The following SUN5 variants were observed in gnomAD, a reference collection of about 807,000 sequenced individuals.
The protein encoded by SUN5 is Sad1 and UNC84 domain containing 5, also known as SUN domain-containing protein 5.
Under a neutral mutation model 53.7 loss-of-function variants are expected in SUN5, and 44 were observed. The ratio of observed to expected loss-of-function variants is 0.82; its 90% CI spans 0.64 to 1.05. SUN5 has a LOEUF of 1.05. Among genes scored for constraint, SUN5 ranks in the 50% least tolerant of loss-of-function variants. SUN5 has a pLI of 0.00. For synonymous variants in SUN5, 166 were observed against 179.8 expected (o/e 0.92, Z 0.62); for missense variants, 433 against 483.8 (o/e 0.90, Z 0.98).
rs1568970852 is a variant in SUN5 at position 33,001,534 on chromosome 20, C to CTTTCTTTCTT, written c.212-266_212-257dup. On this transcript the variant is annotated intron_variant, in intron 3 of 12. Coordinates refer to ENST00000356173, the MANE Select transcript of SUN5 (RefSeq NM_080675.4). Reference sequence around the variant, plus strand: ...TTCTTTCTTTCTTCTTTCTTTCTTTCTTTCTTTCTTTCTTTCTTTCTTTCT... The same window carrying CTTTCTTTCTT: ...TTCTTTCTTTCTTCTTTCTTTCTTTCTTTCTTTCTTTTTCTTTCTTTCTTTCTTTCTTTCT... Among the ~76,000 whole-genome samples, 6 of 134,254 alleles carry CTTTCTTTCTT rather than the reference C, an allele frequency of 4.5e-5. No individual in the cohort carries two copies. In the South Asian group the frequency reaches 1.1e-3, roughly 25 times the overall value. 88.1% of individuals were successfully genotyped at this position (134,254 alleles called of 152,430 possible).
chr20:32,985,399 T>C (rs897761667), intron 11 of SUN5, among the ~76,000 whole-genome samples: 1 of 152,150 alleles, frequency 6.6e-6, no homozygotes. Flanking sequence ...CATTGACTTG[T>C]AGGATTAGGG....
At position 32,985,210 on chromosome 20, in the gene SUN5, G is replaced by A. The variant is rs766039488; in HGVS notation, c.898-25C>T. ...CCTGTGGAACCAGAACCAAGGTGAA[G>A]GCGTCAGATACAAGCAGGGCCCTCA... On this transcript the variant is annotated intron_variant, in intron 11 of 12. Coordinates refer to ENST00000356173, the MANE Select transcript of SUN5 (RefSeq NM_080675.4). 16 of 1,611,042 alleles carry A rather than the reference G, an allele frequency of 9.9e-6. No individual in the cohort carries two copies. In the South Asian group the frequency reaches 1.8e-4, roughly 18 times the overall value.
intron 9 of SUN5, among the ~76,000 whole-genome samples, chr20:32,988,114 C>T (rs374529622): frequency 1.3e-4 from 20 of 152,262 alleles, no homozygotes; most frequent in African/African-American, 4.3e-4. Context: ...ACGGCCCCCA[C>T]GTCATAGGGC....
At chr20:32,996,299 T>A in intron 7 of SUN5, 25 bp downstream of exon 7, 1 of 1,611,830 alleles carries the variant, frequency 6.2e-7, no homozygotes, top group Non-Finnish European at 8.5e-7. Context: ...GGTAATAATA[T>A]GGTTACCCAG....
chr20:32,989,404 G>T (rs911575599), intron 9 of SUN5, among the ~76,000 whole-genome samples: 1 of 151,304 alleles, frequency 6.6e-6, no homozygotes, highest in African/African-American at 2.4e-5. Flanking sequence ...GTGGATTCCC[G>T]TGTTCCCTCC....
chr20:32,994,508 A>C (rs1989789292), intron 8 of SUN5, among the ~76,000 whole-genome samples: 1 of 152,210 alleles, frequency 6.6e-6, no homozygotes, highest in Non-Finnish European at 1.5e-5. Context: ...GAAAAGATGG[A>C]CAACATAGGT....
chr20:32,986,960 C>T (rs911013999), intron 10 of SUN5, among the ~76,000 whole-genome samples: 1 of 152,218 alleles, frequency 6.6e-6, no homozygotes, highest in Non-Finnish European at 1.5e-5. Flanking sequence ...AAGGCCAATG[C>T]CCCAGCTTGA....
At chr20:33,001,507 TTTTCTTTCTTTCTTC>T (rs765912787) in intron 3 of SUN5, among the ~76,000 whole-genome samples, 45 of 27,074 alleles carry the variant, frequency 1.7e-3, no homozygotes, top group Admixed American at 2.3e-3. Context: ...TTAACAGACA[TTTTCTTTCTTTCTTC>T]TTTCTTTCTT....
At chr20:33,001,172 C>A in intron 4 of SUN5, 40 bp downstream of exon 4, 1 of 1,553,584 alleles carries the variant, frequency 6.4e-7, no homozygotes, top group Non-Finnish European at 8.7e-7. Context: ...GCTGCCATTT[C>A]CCACTCCCCA....
At chr20:32,997,550 G>T in intron 6 of SUN5, 88 bp downstream of exon 6, 8 of 1,472,102 alleles carry the variant, frequency 5.4e-6, no homozygotes, top group Non-Finnish European at 6.6e-6. Flanking sequence ...GGCCCCATTT[G>T]GTGAGAATGA....
intron 3 of SUN5, among the ~76,000 whole-genome samples, chr20:33,001,754 C>T (rs1444191644): frequency 5.5e-5 from 8 of 146,120 alleles, no homozygotes; most frequent in Middle Eastern, 3.4e-3. Context: ...CTGCAACCTC[C>T]ACCTCCCAAG....
Position 32,985,160 on chromosome 20 carries a change from T to C in SUN5, c.923A>G (p.Glu308Gly). The change falls in exon 12 of 13, where the codon GAG (glutamate) becomes GGG (glycine). Residue 308 changes from glutamate to glycine, a missense_variant. Transcript: ENST00000356173. ...AAACTGAAATGCCCCCAGGAACACC[T>C]CCTCCTTGGGGGAGCCCTCCATGCC... ...IYGMEGSPKE[E>G]VFLGAFQFQP... 6.2e-7 allele frequency: 1 copy of C among 1,613,924 alleles called. No individual in the cohort carries two copies. Among genetic ancestry groups the C allele is most frequent in the Non-Finnish European group, 8.5e-7 (1 of 1,179,926 alleles).
chr20:32,985,252 T>A, intron 11 of SUN5, 67 bp from the exon 12 acceptor site: 1 of 1,436,964 alleles, frequency 7.0e-7, no homozygotes, highest in Non-Finnish European at 9.8e-7. Context: ...GTCTCCCCTC[T>A]CCAGTGGAGA....
At chr20:32,992,801 A>T (rs2180576) in intron 8 of SUN5, among the ~76,000 whole-genome samples, 52,398 of 152,034 alleles carry the variant, frequency 0.34, 9,710 homozygotes, top group East Asian at 0.79. Flanking sequence ...GCTGGATACA[A>T]GAAAAGACAC....
chr20:33,000,158 C>A, intron 4 of SUN5, 23 bp from the exon 5 acceptor site: 1 of 1,591,088 alleles, frequency 6.3e-7, no homozygotes, highest in Non-Finnish European at 8.5e-7. Flanking sequence ...GAGTGGTGGT[C>A]AAGATCAGGT....
intron 10 of SUN5, 122 bp from the exon 11 acceptor site, chr20:32,986,025 G>A (rs1242901964): frequency 1.7e-6 from 2 of 1,148,024 alleles, no homozygotes; most frequent in East Asian, 2.6e-5. Flanking sequence ...CCAAAGCTTG[G>A]CTCAAGTGCC....
At chr20:32,997,263 G>A (rs1303765292) in intron 6 of SUN5, among the ~76,000 whole-genome samples, 1 of 152,148 alleles carries the variant, frequency 6.6e-6, no homozygotes, top group Non-Finnish European at 1.5e-5. Flanking sequence ...TTCCTCCTCA[G>A]AAACCTGAAA....
chr20:32,986,021 C>T (rs1989529959), intron 10 of SUN5, 118 bp from the exon 11 acceptor site: 2 of 1,244,254 alleles, frequency 1.6e-6, no homozygotes, highest in Admixed American at 5.0e-5. Context: ...GTCTCCAAAG[C>T]TTGGCTCAAG....
chr20:32,993,374 G>T (rs1261675475), intron 8 of SUN5, among the ~76,000 whole-genome samples: 1 of 152,178 alleles, frequency 6.6e-6, no homozygotes, highest in Admixed American at 6.5e-5. Context: ...ATCTCTGGGG[G>T]TATTTGACGA....
Sources: gnomAD v4.1 joint callset for allele counts (sites outside exome capture counted in the v4.1 genomes callset) on GRCh38, gnomAD v4.1.1 for gene constraint, MANE v1.5 for transcripts, NCBI Gene and HGNC (gene_info 2026-07-23, HGNC 2026-07-21) for gene names.